Variants in FAF1 observed in about 807,000 individuals in gnomAD.
The protein encoded by FAF1 is Fas associated factor 1.
A neutral mutation model predicts 92.5 loss-of-function variants in FAF1; 25 were observed. The ratio of observed to expected loss-of-function variants is 0.27; its 90% confidence interval spans 0.20 to 0.38. FAF1 has a LOEUF of 0.38. FAF1 is among the 10% of genes least tolerant of loss of function. FAF1 has a pLI of 1.00. For missense variants in FAF1, 636 were observed against 793.3 expected, an observed-to-expected ratio of 0.80 and a Z score of 2.38; for synonymous variants, 234 against 273.2, an observed-to-expected ratio of 0.86 and a Z score of 1.42.
At chr1:50,824,316 T>C (rs925353323) in intron 2 of FAF1, among the ~76,000 whole-genome samples, 1 of 152,220 alleles carries the variant, frequency 6.6e-6, no homozygotes, top group Admixed American at 6.5e-5. Flanking sequence ...TCTCAATCAT[T>C]CTCATCCTCT....
chr1:50,881,842 C>A lies in FAF1; in HGVS notation c.46-23845G>T, dbSNP rs191925377. Among the ~76,000 whole-genome samples the A allele has an allele frequency of 5.6e-4, 85 of 152,192 alleles. No individual in the cohort carries two copies. The Middle Eastern group carries it at 0.014, about 24-fold the overall frequency. ...GAACTAAGAAATTCTTTAATAGCTGCAGAAAAAGTGCATTTATGAGAAGGC... is the reference window on the plus strand; with the variant it reads ...GAACTAAGAAATTCTTTAATAGCTGAAGAAAAAGTGCATTTATGAGAAGGC... On this transcript the variant is annotated intron_variant, in intron 1 of 18. Transcript: ENST00000396153.
intron 4 of FAF1, among the ~76,000 whole-genome samples, chr1:50,749,768 G>A (rs551071837): frequency 3.2e-4 from 49 of 151,504 alleles, no homozygotes; most frequent in Non-Finnish European, 6.0e-4. Context: ...TATCCTGGAT[G>A]ACAGAGTGAG....
At chr1:50,876,222 T>C (rs28594970) in intron 1 of FAF1, among the ~76,000 whole-genome samples, 3,047 of 152,218 alleles carry the variant, frequency 0.02, 100 homozygotes, top group African/African-American at 0.071. Context: ...GTGGAGAACA[T>C]TCCATACAGA....
At chr1:50,819,794 T>A (rs1425297075) in intron 2 of FAF1, among the ~76,000 whole-genome samples, 1 of 114,458 alleles carries the variant, frequency 8.7e-6, no homozygotes, top group African/African-American at 3.2e-5. Flanking sequence ...TATACATATA[T>A]ATATATACAT....
At chr1:50,601,144 G>A (rs1463004509) in intron 8 of FAF1, among the ~76,000 whole-genome samples, 1 of 151,988 alleles carries the variant, frequency 6.6e-6, no homozygotes, top group Non-Finnish European at 1.5e-5. Flanking sequence ...GAATCTTTTC[G>A]ATGTTTCTTC....
At chr1:50,911,471 GGAT>G (rs1644885050) in intron 1 of FAF1, among the ~76,000 whole-genome samples, 1 of 151,130 alleles carries the variant, frequency 6.6e-6, no homozygotes, top group Non-Finnish European at 1.5e-5. Context: ...CAAGGCAGGC[GGAT>G]CACTTGAGGT....
intron 8 of FAF1, among the ~76,000 whole-genome samples, chr1:50,642,673 T>C (rs1261426471): frequency 1.3e-5 from 2 of 151,970 alleles, no homozygotes; most frequent in Non-Finnish European, 2.9e-5. Context: ...TAAAATAAAA[T>C]AAAATTCTTG....
chr1:50,865,831 A>C (rs1355224247), intron 1 of FAF1, among the ~76,000 whole-genome samples: 1 of 148,262 alleles, frequency 6.7e-6, no homozygotes, highest in African/African-American at 2.5e-5. Context: ...TAAAACTTAA[A>C]GTATAATAAT....
At chr1:50,905,492 G>C (rs935919605) in intron 1 of FAF1, among the ~76,000 whole-genome samples, 1 of 152,208 alleles carries the variant, frequency 6.6e-6, no homozygotes, top group Non-Finnish European at 1.5e-5. Flanking sequence ...CTAGTTTACA[G>C]TCCCACCAAC....
intron 4 of FAF1, among the ~76,000 whole-genome samples, chr1:50,764,800 T>A (rs371636601): frequency 1.2e-4 from 18 of 152,336 alleles, no homozygotes; most frequent in African/African-American, 3.8e-4. Flanking sequence ...CAAGAAAAAT[T>A]TCAATGTTTT....
chr1:50,795,655 G>A (rs1340695492), intron 3 of FAF1, among the ~76,000 whole-genome samples: 1 of 152,196 alleles, frequency 6.6e-6, no homozygotes, highest in East Asian at 1.9e-4. Flanking sequence ...GGAATTAAGT[G>A]TTGACAGTGA....
At chr1:50,582,491 C>T (rs1054650353) in intron 12 of FAF1, 127 bp downstream of exon 12, 46 of 639,156 alleles carry the variant, frequency 7.2e-5, no homozygotes, top group Non-Finnish European at 8.7e-5. Flanking sequence ...CATACAAATT[C>T]GTGAAGAGTT....
At chr1:50,578,744 C>T (rs960693331) in intron 12 of FAF1, among the ~76,000 whole-genome samples, 5 of 152,068 alleles carry the variant, frequency 3.3e-5, no homozygotes, top group Non-Finnish European at 5.9e-5. Flanking sequence ...CAGAGCATCA[C>T]AGAATTCTGA....
At chr1:50,867,321 C>T (rs1193799159) in intron 1 of FAF1, among the ~76,000 whole-genome samples, 2 of 151,930 alleles carry the variant, frequency 1.3e-5, no homozygotes, top group African/African-American at 4.8e-5. Context: ...GAACAAAATC[C>T]AAGATAAATA....
At chr1:50,685,412 C>A (rs182052385) in intron 7 of FAF1, among the ~76,000 whole-genome samples, 1 of 152,092 alleles carries the variant, frequency 6.6e-6, no homozygotes, top group East Asian at 1.9e-4. Context: ...GTGAGGTAAA[C>A]TACTGCTATA....
intron 2 of FAF1, among the ~76,000 whole-genome samples, chr1:50,819,894 T>G (rs1372385245): frequency 6.8e-6 from 1 of 146,482 alleles, no homozygotes; most frequent in Non-Finnish European, 1.5e-5. Flanking sequence ...TGTAAATATA[T>G]TTATATATTT....
chr1:50,822,157 A>C (rs546969295), intron 2 of FAF1, among the ~76,000 whole-genome samples: 17 of 151,990 alleles, frequency 1.1e-4, no homozygotes, highest in African/African-American at 3.9e-4. Context: ...GGAGAAAAAA[A>C]GAAACCAGAA....
At chr1:50,667,924 C>T (rs1180499143) in intron 7 of FAF1, among the ~76,000 whole-genome samples, 1 of 152,228 alleles carries the variant, frequency 6.6e-6, no homozygotes, top group African/African-American at 2.4e-5. Context: ...CACGCTGATG[C>T]TCAGACGTGA....
chr1:50,926,924 G>C (rs562804395), intron 1 of FAF1, among the ~76,000 whole-genome samples: 3 of 152,266 alleles, frequency 2.0e-5, no homozygotes, highest in African/African-American at 7.2e-5. Context: ...GAGTATTGTT[G>C]CTCCTTAAAA....
Sources: gnomAD v4.1 joint callset for allele counts (sites outside exome capture counted in the v4.1 genomes callset) on GRCh38, gnomAD v4.1.1 for gene constraint, MANE v1.5 for transcripts, NCBI Gene and HGNC (gene_info 2026-07-23, HGNC 2026-07-21) for gene names.